The following MCTP1 variants were observed in gnomAD, a reference collection of about 807,000 sequenced individuals.
MCTP1 encodes multiple C2 and transmembrane domain-containing protein 1.
MCTP1 carries 69 observed loss-of-function variants against 120.6 expected under a neutral mutation model. The observed-to-expected ratio is 0.57, with a 90% CI of 0.47 to 0.70. The LOEUF is 0.70. MCTP1 is among the 30% of genes least tolerant of loss of function. The pLI is 0.00. For synonymous variants in MCTP1, 529 were observed against 493.1 expected (o/e 1.07, Z -0.96); for missense variants, 1,203 against 1,248.8 (o/e 0.96, Z 0.55).
At chr5:95,053,111 A>C (rs973739906) in intron 1 of MCTP1, among the ~76,000 whole-genome samples, 1 of 152,192 alleles carries the variant, frequency 6.6e-6, no homozygotes, top group African/African-American at 2.4e-5. Flanking sequence ...AATGTTCCAT[A>C]TTTTTACATG....
At chr5:95,046,136 T>C (rs571536931) in intron 1 of MCTP1, among the ~76,000 whole-genome samples, 1 of 152,278 alleles carries the variant, frequency 6.6e-6, no homozygotes, top group South Asian at 2.1e-4. Flanking sequence ...TCTGAGAACA[T>C]GCTTCCCAGC....
rs200365776 is a variant in MCTP1 at position 94,928,997 on chromosome 5, A to G, written c.1212+2956T>C. On this transcript the variant is annotated intron_variant, in intron 6 of 22. Transcript: ENST00000515393. ...CATTGAAAGAGCCTATTATTAGCAG[A>G]AGTATGGTTACAAAAACAGGTAAAG... 7.9e-5 allele frequency among the ~76,000 whole-genome samples: 12 copies of G among 152,314 alleles called. No individual in the cohort carries two copies. The East Asian group carries it at 2.1e-3, about 27-fold the overall frequency.
intron 2 of MCTP1, among the ~76,000 whole-genome samples, chr5:94,955,048 T>G (rs1822198291): frequency 6.6e-6 from 1 of 152,154 alleles, no homozygotes; most frequent in African/African-American, 2.4e-5. Context: ...ATTTCTGCAT[T>G]TCCAACTGAG....
intron 1 of MCTP1, among the ~76,000 whole-genome samples, chr5:95,143,322 C>T (rs1562178524): frequency 6.6e-6 from 1 of 152,180 alleles, no homozygotes; most frequent in African/African-American, 2.4e-5. Flanking sequence ...ACAAACAACA[C>T]ATCTTGCTGT....
intron 1 of MCTP1, among the ~76,000 whole-genome samples, chr5:95,026,897 T>C (rs930534946): frequency 2.6e-5 from 4 of 152,238 alleles, no homozygotes; most frequent in African/African-American, 9.6e-5. Flanking sequence ...TTGTCAAAGA[T>C]ATCATTGAAG....
intron 22 of MCTP1, among the ~76,000 whole-genome samples, chr5:94,707,789 G>C (rs1755078289): frequency 1.3e-5 from 2 of 151,780 alleles, no homozygotes; most frequent in African/African-American, 4.8e-5. Flanking sequence ...CTTTAGTAAT[G>C]GTATTCACTG....
chr5:94,930,300 G>T (rs2153477756), intron 6 of MCTP1, among the ~76,000 whole-genome samples: 2 of 114,520 alleles, frequency 1.7e-5, no homozygotes, highest in African/African-American at 6.7e-5. Flanking sequence ...TTGAGACAGA[G>T]TCTCACTCTG....
Position 94,942,377 on chromosome 5 carries a change from A to C in MCTP1, c.1032T>G (p.Phe344Leu). The change falls in exon 4 of 23, where the codon TTT becomes TTG. Residue 344 changes from phenylalanine to leucine, a missense_variant. This residue lies in a region of MCTP1 where 740 missense variants were observed against 871.1 expected (regional missense o/e 0.85). Transcript: ENST00000515393. ...GLQDDFMGSA[F>L]LDLTQLELNR... ...TTAACTCCAATTGTGTCAGATCCAG[A>C]AAGGCTGAGCCCATAAAGTCATCCT... The C allele has an allele frequency of 2.5e-6, 4 of 1,611,494 alleles. No individual in the cohort carries two copies. The highest frequency in any genetic ancestry group is 3.4e-6 in the Non-Finnish European group (4 of 1,178,284).
At chr5:95,207,878 T>A (rs17348723) in intron 1 of MCTP1, among the ~76,000 whole-genome samples, 30,235 of 146,566 alleles carry the variant, frequency 0.21, 3,191 homozygotes, top group Non-Finnish European at 0.23. Context: ...AAAGCACAAC[T>A]GCAGCAGTCA....
chr5:94,957,728 A>AAT (rs989185508), intron 2 of MCTP1, among the ~76,000 whole-genome samples: 1 of 152,232 alleles, frequency 6.6e-6, no homozygotes, highest in Admixed American at 6.5e-5. Flanking sequence ...AACTATCCTC[A>AAT]ATATATATGC....
intron 17 of MCTP1, 37 bp from the exon 18 acceptor site, chr5:94,799,169 A>G: frequency 6.3e-7 from 1 of 1,591,518 alleles, no homozygotes; most frequent in Non-Finnish European, 8.6e-7. Context: ...GGATGAGTCA[A>G]CACTGAATTT....
In MCTP1 at chr5:95,053,972, A is replaced by G. The variant is rs367884278; in HGVS notation, c.721-36488T>C. Among the ~76,000 whole-genome samples, 13 of 152,366 alleles carry G rather than the reference A, an allele frequency of 8.5e-5. No homozygotes were observed. In the South Asian group the frequency reaches 2.7e-3, roughly 32 times the overall value. On this transcript the variant is annotated intron_variant, in intron 1 of 22. Coordinates refer to ENST00000515393, the MANE Select transcript of MCTP1 (RefSeq NM_024717.7). Reference sequence around the variant, plus strand: ...CCCAAACTTGCCGTATCATAAGATTAACCTTGGGCTTTTGGTAAAAAAGTA... The same window carrying G: ...CCCAAACTTGCCGTATCATAAGATTGACCTTGGGCTTTTGGTAAAAAAGTA...
chr5:95,042,282 G>C (rs1215790021), intron 1 of MCTP1, among the ~76,000 whole-genome samples: 1 of 152,174 alleles, frequency 6.6e-6, no homozygotes, highest in African/African-American at 2.4e-5. Context: ...ACAGTGAAGT[G>C]AGTGTCAAGT....
intron 17 of MCTP1, among the ~76,000 whole-genome samples, chr5:94,803,681 AC>A (rs1411489575): frequency 2.6e-5 from 4 of 152,156 alleles, no homozygotes; most frequent in African/African-American, 9.7e-5. Context: ...TTTGTATACT[AC>A]CTTAGAATCC....
intron 7 of MCTP1, among the ~76,000 whole-genome samples, chr5:94,919,046 A>C (rs1448371407): frequency 6.6e-6 from 1 of 152,176 alleles, no homozygotes; most frequent in African/African-American, 2.4e-5. Flanking sequence ...AAAAGAAATT[A>C]ATTGGTATAG....
At chr5:94,854,119 A>G (rs183571417) in intron 17 of MCTP1, among the ~76,000 whole-genome samples, 1 of 152,044 alleles carries the variant, frequency 6.6e-6, no homozygotes, top group African/African-American at 2.4e-5. Context: ...CATCTGTTGC[A>G]TAATGGGCCT....
At chr5:95,210,761 T>A (rs1405654380) in intron 1 of MCTP1, among the ~76,000 whole-genome samples, 1 of 152,158 alleles carries the variant, frequency 6.6e-6, no homozygotes, top group African/African-American at 2.4e-5. Context: ...CGCAGTTTCT[T>A]CCTAGTCTCG....
intron 10 of MCTP1, among the ~76,000 whole-genome samples, chr5:94,898,668 T>A (rs2153413909): frequency 6.6e-6 from 1 of 152,288 alleles, no homozygotes; most frequent in African/African-American, 2.4e-5. Context: ...ACAGTAATGG[T>A]TTTATATTGT....
chr5:95,102,383 A>G (rs964188823), intron 1 of MCTP1, among the ~76,000 whole-genome samples: 3 of 152,190 alleles, frequency 2.0e-5, no homozygotes, highest in Non-Finnish European at 4.4e-5. Flanking sequence ...CTCACTCCAG[A>G]CACAGTGCCA....
Sources: allele counts gnomAD v4.1 joint callset (sites outside exome capture counted in the v4.1 genomes callset), GRCh38; gene constraint gnomAD v4.1.1; regional missense constraint gnomAD v4.1.1; transcripts MANE v1.5; gene names NCBI Gene and HGNC (gene_info 2026-07-23, HGNC 2026-07-21).